Variants in FAM53A observed in about 807,000 individuals in gnomAD.
The protein encoded by FAM53A is family with sequence similarity 53 member A.
A neutral mutation model predicts 26.6 loss-of-function variants in FAM53A; 28 were observed. The ratio of observed to expected loss-of-function variants is 1.05; its 90% CI spans 0.78 to 1.45. FAM53A has a LOEUF of 1.45. Ranked by LOEUF, FAM53A falls within the 40% of genes most tolerant of loss-of-function variation. FAM53A has a pLI of 0.00. For synonymous variants in FAM53A, 290 were observed against 253.1 expected (o/e 1.15, Z -1.38); for missense variants, 650 against 575.8 (o/e 1.13, Z -1.32).
At position 1,655,473 on chromosome 4, in the gene FAM53A, C is replaced by G. The variant is rs767802776; in HGVS notation, c.387G>C (p.Glu129Asp). Reference protein sequence around the residue: ...RHCRSLSEPEELVRCRSPWRP... With the variant: ...RHCRSLSEPEDLVRCRSPWRP... ...GCCAGGGGGACCGGCAGCGCACAAG[C>G]TCCTCGGGTTCTGACAAGGACCGGC... The change falls in exon 4 of 5, where the codon GAG becomes GAC. Residue 129 changes from glutamate to aspartate, a missense_variant. Transcript: ENST00000308132. The G allele has an allele frequency of 7.0e-6, 11 of 1,571,478 alleles. No individual in the cohort carries two copies. The highest frequency in any genetic ancestry group is 2.3e-5 in the South Asian group (2 of 87,268).
the FAM53A span, among the ~76,000 whole-genome samples, chr4:1,609,839 T>C: frequency 0.024 from 3,718 of 152,070 alleles, 178 homozygotes; most frequent in African/African-American, 0.085. Context: ...GGCAGGCGCC[T>C]GTAATCCCAG....
chr4:1,586,994 C>T, the FAM53A span, among the ~76,000 whole-genome samples: 1 of 152,158 alleles, frequency 6.6e-6, no homozygotes, highest in Non-Finnish European at 1.5e-5. Context: ...CTGTTCATGA[C>T]ACTGGGTGAC....
intron 1 of FAM53A, among the ~76,000 whole-genome samples, chr4:1,621,741 C>T (rs1411418729): frequency 6.6e-6 from 1 of 152,250 alleles, no homozygotes; most frequent in Non-Finnish European, 1.5e-5. Flanking sequence ...CAGCCTGGGT[C>T]TGCAGGAACC....
upstream of FAM53A, among the ~76,000 whole-genome samples, chr4:1,684,498 A>T (rs1044987390): frequency 6.7e-6 from 1 of 150,196 alleles, no homozygotes; most frequent in East Asian, 2.0e-4. Flanking sequence ...CCGAGTCCGC[A>T]GCGCGCCCTG....
At chr4:1,646,672 C>A (rs1410522863) in intron 4 of FAM53A, among the ~76,000 whole-genome samples, 1 of 152,160 alleles carries the variant, frequency 6.6e-6, no homozygotes, top group Non-Finnish European at 1.5e-5. Flanking sequence ...AAAAACGCAG[C>A]GGGCCTGAAG....
At chr4:1,595,873 C>A in the FAM53A span, among the ~76,000 whole-genome samples, 1 of 152,300 alleles carries the variant, frequency 6.6e-6, no homozygotes, top group South Asian at 2.1e-4. Context: ...GAGTCCCACC[C>A]CAGAGGCCAG....
intron 2 of FAM53A, among the ~76,000 whole-genome samples, chr4:1,661,033 C>T (rs1384977564): frequency 1.3e-5 from 2 of 152,256 alleles, no homozygotes; most frequent in Middle Eastern, 3.4e-3. Flanking sequence ...AGCTTCCCTG[C>T]GCCTACAGCC....
the FAM53A span, among the ~76,000 whole-genome samples, chr4:1,606,888 G>C: frequency 6.6e-6 from 1 of 152,248 alleles, no homozygotes; most frequent in Non-Finnish European, 1.5e-5. Flanking sequence ...ATCACCTGGA[G>C]ATTCTGTTTA....
the FAM53A span, among the ~76,000 whole-genome samples, chr4:1,602,591 G>C: frequency 6.6e-6 from 1 of 152,216 alleles, no homozygotes; most frequent in Admixed American, 6.5e-5. Flanking sequence ...GAGCAAATGT[G>C]GTTTGAAAAA....
the FAM53A span, among the ~76,000 whole-genome samples, chr4:1,593,875 G>A: frequency 1.3e-5 from 2 of 152,164 alleles, no homozygotes; most frequent in Non-Finnish European, 2.9e-5. Context: ...GGGAGAAAAG[G>A]AGTGCAACAA....
intron 1 of FAM53A, among the ~76,000 whole-genome samples, chr4:1,631,272 G>A (rs550533136): frequency 2.0e-5 from 3 of 152,300 alleles, no homozygotes; most frequent in African/African-American, 4.8e-5. Context: ...TAGCAGCGGT[G>A]GACAAGCCAG....
chr4:1,629,112 G>A (rs1034062559), intron 1 of FAM53A, among the ~76,000 whole-genome samples: 12 of 151,982 alleles, frequency 7.9e-5, no homozygotes, highest in African/African-American at 1.2e-4. Context: ...CCCTCCAGGC[G>A]GATACCTCGC....
intron 1 of FAM53A, among the ~76,000 whole-genome samples, chr4:1,618,607 C>G (rs1714897097): frequency 6.6e-6 from 1 of 152,148 alleles, no homozygotes; most frequent in African/African-American, 2.4e-5. Flanking sequence ...TGTTTGGCAG[C>G]CTGAGGGGTG....
chr4:1,619,614 G>A (rs1714940828), intron 1 of FAM53A, among the ~76,000 whole-genome samples: 1 of 152,122 alleles, frequency 6.6e-6, no homozygotes, highest in Non-Finnish European at 1.5e-5. Flanking sequence ...TCACCCCCCG[G>A]CCTCCCGTGA....
At chr4:1,671,904 G>A (rs1714686344) in intron 1 of FAM53A, among the ~76,000 whole-genome samples, 3 of 152,328 alleles carry the variant, frequency 2.0e-5, no homozygotes, top group African/African-American at 2.4e-5. Flanking sequence ...GTATAGAAAC[G>A]GCTGATTTCA....
At position 1,649,959 on chromosome 4, in the gene FAM53A, C is replaced by T. The variant is rs867273375; in HGVS notation, c.882+5019G>A. Among the ~76,000 whole-genome samples the T allele has an allele frequency of 1.9e-3, 115 of 61,568 alleles. 4 individuals are homozygous for T. The highest frequency in any genetic ancestry group is 8.3e-3 in the African/African-American group (95 of 11,422). 40.4% of individuals were successfully genotyped at this position (61,568 alleles called of 152,430 possible). On this transcript the variant is annotated intron_variant, in intron 4 of 4. Coordinates refer to ENST00000308132, the MANE Select transcript of FAM53A (RefSeq NM_001174070.3). ...TGACTGTGAGGTGGCACAGGCGTGG[C>T]GTTTGACTGTGAGGTGGCACAGGCG...
chr4:1,601,216 C>G, the FAM53A span, among the ~76,000 whole-genome samples: 1 of 152,000 alleles, frequency 6.6e-6, no homozygotes, highest in East Asian at 1.9e-4. Flanking sequence ...CAGGGGACCC[C>G]TGGAGCCGCA....
chr4:1,640,969 C>A lies in FAM53A; in HGVS notation c.*324G>T, dbSNP rs1711635741. On this transcript the variant is annotated 3_prime_UTR_variant, in exon 5 of 5. Coordinates refer to ENST00000308132, the MANE Select transcript of FAM53A (RefSeq NM_001174070.3). ...GCAGTGCAGGCGGCAGCCGTGGCCCCGACCAGCTCACAGGAAACCTACTCT... is the reference window on the plus strand; with the variant it reads ...GCAGTGCAGGCGGCAGCCGTGGCCCAGACCAGCTCACAGGAAACCTACTCT... 1 of 451,250 alleles carries A rather than the reference C, an allele frequency of 2.2e-6. No homozygotes were observed. The highest frequency in any genetic ancestry group is 2.2e-5 in the African/African-American group (1 of 45,646). The allele number at this position is 451,250 out of a possible 1,614,324, so 28.0% of individuals were successfully genotyped here. A position where few individuals can be genotyped will look rare whatever the true frequency, so the allele number is the denominator to read the frequency against.
intron 1 of FAM53A, among the ~76,000 whole-genome samples, chr4:1,623,904 G>T (rs945424851): frequency 6.6e-6 from 1 of 152,224 alleles, no homozygotes; most frequent in Non-Finnish European, 1.5e-5. Context: ...GGGAGAAGTG[G>T]GTGCCCGGCT....
Sources: gnomAD v4.1 joint callset for allele counts (sites outside exome capture counted in the v4.1 genomes callset) on GRCh38, gnomAD v4.1.1 for gene constraint, MANE v1.5 for transcripts, NCBI Gene and HGNC (gene_info 2026-07-23, HGNC 2026-07-21) for gene names.